Variants in EFCAB6 observed in about 807,000 individuals in gnomAD.
EFCAB6 encodes EF-hand calcium-binding domain-containing protein 6.
In EFCAB6, 156 loss-of-function variants were observed where a neutral mutation model predicts 169.8. The observed-to-expected ratio is 0.92, with a 90% CI of 0.81 to 1.05. The LOEUF is 1.05. Ranked by LOEUF, EFCAB6 falls within the 50% of genes least tolerant of loss-of-function variation. The probability of loss-of-function intolerance (pLI) is 0.00; values close to 1 mark genes in which losing one functional copy is unlikely to be tolerated. For synonymous variants in EFCAB6, 698 were observed against 676.4 expected, an observed-to-expected ratio of 1.03 and a Z score of -0.50; for missense variants, 1,800 against 1,829.1, an observed-to-expected ratio of 0.98 and a Z score of 0.29.
At chr22:43,671,937 A>C in intron 15 of EFCAB6, 36 bp downstream of exon 15, 2 of 1,607,578 alleles carry the variant, frequency 1.2e-6, no homozygotes, top group Non-Finnish European at 1.7e-6. Flanking sequence ...CTGATGAAAA[A>C]CACGACATGA....
At chr22:43,631,816 C>G (rs1255261718) in intron 19 of EFCAB6, among the ~76,000 whole-genome samples, 1 of 152,028 alleles carries the variant, frequency 6.6e-6, no homozygotes, top group Non-Finnish European at 1.5e-5. Context: ...TTCAAAGTCA[C>G]TGTACCATGG....
rs1203684052 is a variant in EFCAB6, at chr22:43,784,509, A to ATGTGTGTG, written c.-7-2185_-7-2184insCACACACA. Among the ~76,000 whole-genome samples the ATGTGTGTG allele has an allele frequency of 2.1e-5, 2 of 94,362 alleles. 1 individual carries two copies. The highest frequency in any genetic ancestry group is 4.7e-5 in the Non-Finnish European group (2 of 42,872). 61.9% of individuals were successfully genotyped at this position (94,362 alleles called of 152,430 possible). ...CTACCAAAAAAAAAAAAAAATATAT[A>ATGTGTGTG]TATGTGTGTGTGTGTGTGTGTGTGT... On this transcript the variant is annotated intron_variant, in intron 2 of 31. Coordinates refer to ENST00000262726, the MANE Select transcript of EFCAB6 (RefSeq NM_022785.4).
intron 22 of EFCAB6, among the ~76,000 whole-genome samples, chr22:43,605,736 G>A (rs997547742): frequency 5.9e-5 from 9 of 152,154 alleles, no homozygotes; most frequent in African/African-American, 1.4e-4. Flanking sequence ...GAATACCACC[G>A]AGCTGTGTGC....
chr22:43,560,920 G>C (rs1284808656), intron 26 of EFCAB6, among the ~76,000 whole-genome samples: 1 of 152,214 alleles, frequency 6.6e-6, no homozygotes, highest in East Asian at 1.9e-4. Flanking sequence ...TTGCCACGGA[G>C]AAGCAGAAGC....
intron 17 of EFCAB6, among the ~76,000 whole-genome samples, chr22:43,649,152 A>C (rs1402440246): frequency 1.3e-5 from 2 of 152,218 alleles, no homozygotes; most frequent in Non-Finnish European, 2.9e-5. Context: ...TGAGGGAGGA[A>C]CTGGGAGTCC....
At chr22:43,709,619 G>T (rs1385035657) in intron 10 of EFCAB6, among the ~76,000 whole-genome samples, 1 of 152,200 alleles carries the variant, frequency 6.6e-6, no homozygotes, top group African/African-American at 2.4e-5. Flanking sequence ...AAATGGAAGA[G>T]AATGTGGAAC....
chr22:43,784,222 C>G (rs1401890925), intron 2 of EFCAB6, among the ~76,000 whole-genome samples: 1 of 151,934 alleles, frequency 6.6e-6, no homozygotes, highest in African/African-American at 2.4e-5. Flanking sequence ...AAAACCCCAC[C>G]AACCTAGAAT....
intron 6 of EFCAB6, among the ~76,000 whole-genome samples, chr22:43,749,178 G>A (rs1485748237): frequency 1.3e-5 from 2 of 152,080 alleles, no homozygotes; most frequent in African/African-American, 2.4e-5. Flanking sequence ...AATCAAGACT[G>A]GTCCTTGGTT....
chr22:43,605,707 A>G (rs1330549638), intron 22 of EFCAB6, among the ~76,000 whole-genome samples: 2 of 152,156 alleles, frequency 1.3e-5, no homozygotes, highest in Non-Finnish European at 2.9e-5. Flanking sequence ...TGACAGCTGC[A>G]CTGCATGATG....
At chr22:43,581,586 T>A (rs2050730625) in intron 24 of EFCAB6, among the ~76,000 whole-genome samples, 1 of 152,260 alleles carries the variant, frequency 6.6e-6, no homozygotes, top group Non-Finnish European at 1.5e-5. Flanking sequence ...AAAGTTCACA[T>A]TTCTACAACT....
At chr22:43,618,067 A>T (rs1407858848) in intron 20 of EFCAB6, among the ~76,000 whole-genome samples, 1 of 148,680 alleles carries the variant, frequency 6.7e-6, no homozygotes, top group African/African-American at 2.5e-5. Flanking sequence ...GTGCCACTGT[A>T]CTCCAGCCTG....
chr22:43,725,711 C>T (rs1177743382), intron 8 of EFCAB6, among the ~76,000 whole-genome samples: 1 of 152,166 alleles, frequency 6.6e-6, no homozygotes, highest in Admixed American at 6.5e-5. Context: ...GGGCTGGTGT[C>T]AGCAATTCAG....
At chr22:43,630,467 G>A (rs1023283406) in intron 19 of EFCAB6, among the ~76,000 whole-genome samples, 6 of 152,234 alleles carry the variant, frequency 3.9e-5, no homozygotes, top group Non-Finnish European at 5.9e-5. Flanking sequence ...GGAAAGCAAC[G>A]ATGTAGCGTG....
intron 27 of EFCAB6, 176 bp downstream of exon 27, chr22:43,554,693 G>C (rs1256215382): frequency 9.6e-6 from 6 of 623,382 alleles, no homozygotes; most frequent in Non-Finnish European, 1.7e-5. Flanking sequence ...GTAATTTATA[G>C]TTGTTACATA....
In EFCAB6 at chr22:43,635,321, T is replaced by C. The variant is rs1018046781; in HGVS notation, c.1984-105A>G. 1.3e-5 allele frequency: 11 copies of C among 844,070 alleles called. No individual in the cohort carries two copies. The African/African-American group carries it at 1.3e-4, about 10-fold the overall frequency. The allele number at this position is 844,070 out of a possible 1,614,324, so 52.3% of individuals were successfully genotyped here. A position where few individuals can be genotyped will look rare whatever the true frequency, so the allele number is the denominator to read the frequency against. The stretch of plus-strand genomic sequence containing the variant: ...TGCTGGCTCACAGCAGGGCTCATGA[T>C]TGTTATTTGTCTGACCCCACCCACA... On this transcript the variant is annotated intron_variant, in intron 17 of 31. Coordinates refer to ENST00000262726, the MANE Select transcript of EFCAB6 (RefSeq NM_022785.4).
At chr22:43,781,387 G>T (rs917545105) in intron 3 of EFCAB6, among the ~76,000 whole-genome samples, 2 of 152,118 alleles carry the variant, frequency 1.3e-5, no homozygotes, top group Non-Finnish European at 2.9e-5. Flanking sequence ...GCTGTGGCAC[G>T]ATCATGGCTC....
intron 6 of EFCAB6, 95 bp downstream of exon 6, chr22:43,755,671 A>C: frequency 9.0e-7 from 1 of 1,112,158 alleles, no homozygotes; most frequent in African/African-American, 1.6e-5. Flanking sequence ...TCGGATGACA[A>C]GGTGTGGCTC....
At chr22:43,804,822 G>T (rs1291769677) in intron 2 of EFCAB6, among the ~76,000 whole-genome samples, 2 of 149,506 alleles carry the variant, frequency 1.3e-5, no homozygotes, top group Non-Finnish European at 3.0e-5. Context: ...AAAATACAGA[G>T]AATCAATGAA....
chr22:43,604,387 A>C (rs1174747527), intron 22 of EFCAB6, among the ~76,000 whole-genome samples: 1 of 152,190 alleles, frequency 6.6e-6, no homozygotes, highest in Non-Finnish European at 1.5e-5. Flanking sequence ...GGCTAGCCTT[A>C]GGTAAAGCCA....
Sources: gnomAD v4.1 joint callset for allele counts (sites outside exome capture counted in the v4.1 genomes callset) on GRCh38, gnomAD v4.1.1 for gene constraint, MANE v1.5 for transcripts, NCBI Gene and HGNC (gene_info 2026-07-23, HGNC 2026-07-21) for gene names.